Variants in DLG5 observed in about 807,000 individuals in gnomAD.
DLG5 encodes discs large MAGUK scaffold protein 5, also known as disks large homolog 5.
In DLG5, 48 loss-of-function variants were observed where a neutral mutation model predicts 189.8. That is an observed-to-expected ratio of 0.25 (90% CI 0.20 to 0.32). The LOEUF (loss-of-function observed/expected upper bound fraction) is 0.32. Ranked by LOEUF, DLG5 falls within the 10% of genes least tolerant of loss-of-function variation. The pLI, the probability that DLG5 is intolerant of heterozygous loss-of-function variation, is 1.00. For missense variants in DLG5, 2,160 were observed against 2,544.7 expected (o/e 0.85, Z 3.25); for synonymous variants, 1,016 against 1,054.1 (o/e 0.96, Z 0.70).
At position 77,794,100 on chromosome 10, in the gene DLG5, A is replaced by G. The variant is rs1840780956; in HGVS notation, c.5564T>C (p.Ile1855Thr). The G allele has an allele frequency of 1.2e-6, 2 of 1,614,122 alleles. No homozygotes were observed. The highest frequency in any genetic ancestry group is 1.7e-5 in the Admixed American group (1 of 60,022). ...AKHIKEQRDP[I>T]YLRDKVTQRH... is the part of the protein sequence containing the mutation. Reference sequence around the variant, plus strand: ...CTGAGTCACCTTGTCCCTCAGGTAGATGGGGTCTCTCTGCTCCCTGTGGGG... The same window carrying G: ...CTGAGTCACCTTGTCCCTCAGGTAGGTGGGGTCTCTCTGCTCCCTGTGGGG... The change falls in exon 31 of 32, where the codon ATC becomes ACC. Residue 1855 changes from isoleucine (I) to threonine (T), a missense_variant. By Grantham distance (89) the Ile-to-Thr change is moderately conservative. Transcript: ENST00000372391.
the DLG5 span, among the ~76,000 whole-genome samples, chr10:77,937,181 A>G: frequency 6.6e-6 from 1 of 151,890 alleles, no homozygotes; most frequent in Non-Finnish European, 1.5e-5. Flanking sequence ...TGCTTGGCCC[A>G]ATGCTCCAGC....
In DLG5 at chr10:77,805,707, C is replaced by A. The variant is rs373426065; in HGVS notation, c.5122G>T (p.Ala1708Ser). 2 of 1,613,738 alleles carry A rather than the reference C, an allele frequency of 1.2e-6. No homozygotes were observed. Among genetic ancestry groups the A allele is most frequent in the Non-Finnish European group, 1.7e-6 (2 of 1,179,724 alleles). Residue 1708 changes from alanine (A) to serine (S), a missense_variant, in exon 27 of 32, where the codon GCC becomes TCC. Ala to Ser is a moderately conservative substitution (Grantham distance 99, BLOSUM62 1). Transcript: ENST00000372391. ...GAGTCACTGGAAAAGGCATCCAAGG[C>A]GAGCAGGTCTTTCCCGTCCTTGGAC... Reference protein sequence around the residue: ...SGSKDGKDLLALDAFSSDSIP... With the variant: ...SGSKDGKDLLSLDAFSSDSIP...
chr10:77,862,654 C>T (rs1844516238), intron 2 of DLG5, among the ~76,000 whole-genome samples: 1 of 152,220 alleles, frequency 6.6e-6, no homozygotes, highest in African/African-American at 2.4e-5. Flanking sequence ...AAAACCAGCA[C>T]ACAGCTGTTT....
At chr10:77,807,306 G>C (rs1456162419) in intron 25 of DLG5, among the ~76,000 whole-genome samples, 1 of 152,144 alleles carries the variant, frequency 6.6e-6, no homozygotes, top group Non-Finnish European at 1.5e-5. Flanking sequence ...CTAGAGACAG[G>C]GAGTTGTACC....
At chr10:77,800,997 G>A (rs1162198986) in intron 27 of DLG5, among the ~76,000 whole-genome samples, 3 of 152,186 alleles carry the variant, frequency 2.0e-5, no homozygotes, top group South Asian at 4.1e-4. Context: ...TGCGAGCAGC[G>A]GCTATCTCCA....
chr10:77,922,977 A>G lies in DLG5; in HGVS notation c.304+3240T>C, dbSNP rs1203174244. Among the ~76,000 whole-genome samples, 10 of 152,182 alleles carry G rather than the reference A, an allele frequency of 6.6e-5. No homozygotes were observed. The East Asian group carries it at 1.9e-3, about 29-fold the overall frequency. On this transcript the variant is annotated intron_variant, in intron 1 of 31. Coordinates refer to ENST00000372391, the MANE Select transcript of DLG5 (RefSeq NM_004747.4). ...CACATGTCCTCCCCAGTTTCCTTCC[A>G]GTTCCAGGCCCCACGTGGTAGGCTG...
At chr10:77,805,931 G>A (rs1841448704) in intron 26 of DLG5, 70 bp from the exon 27 acceptor site, 12 of 1,471,686 alleles carry the variant, frequency 8.2e-6, no homozygotes, top group Non-Finnish European at 1.1e-5. Context: ...TGCCCTTCCT[G>A]GTGAGAAAAG....
At chr10:77,832,480 C>G (rs983675039) in intron 9 of DLG5, among the ~76,000 whole-genome samples, 1 of 152,202 alleles carries the variant, frequency 6.6e-6, no homozygotes, top group African/African-American at 2.4e-5. Context: ...TGCCACTCAG[C>G]CTCCAGGGCA....
At chr10:77,820,418 G>A (rs1178147085) in intron 15 of DLG5, 1 of 167,680 alleles carries the variant, frequency 6.0e-6, no homozygotes, top group Non-Finnish European at 1.3e-5. Context: ...TGCCCCCCAG[G>A]AACCAGCTCC....
chr10:77,798,643 T>C lies in DLG5; in HGVS notation c.5165-2049A>G, dbSNP rs140510788. On this transcript the variant is annotated intron_variant, in intron 27 of 31. Transcript: ENST00000372391. The stretch of plus-strand genomic sequence containing the variant: ...ATAACTCGCTCCTTGTCCGGGGCTG[T>C]GTTTCTGGGAGGCATCCCTGGTGAT... 7.5e-4 allele frequency among the ~76,000 whole-genome samples: 115 copies of C among 152,364 alleles called. 2 individuals carry two copies. The East Asian group carries it at 0.02, about 27-fold the overall frequency.
intron 1 of DLG5, among the ~76,000 whole-genome samples, chr10:77,903,630 C>CA (rs574454210): frequency 0.042 from 2,438 of 58,338 alleles, 74 homozygotes; most frequent in African/African-American, 0.079. Flanking sequence ...AACTCCATCT[C>CA]AAAAAAAAAA....
rs541889670 is a variant in DLG5, at chr10:77,871,399, T to C, written c.305-2202A>G. Reference sequence around the variant, plus strand: ...TGAAACCAGAAAACCCAGTTCAGCCTTAAAATTCTATGATCCTGCTAATAA... The same window carrying C: ...TGAAACCAGAAAACCCAGTTCAGCCCTAAAATTCTATGATCCTGCTAATAA... On this transcript the variant is annotated intron_variant, in intron 1 of 31. Transcript: ENST00000372391. Among the ~76,000 whole-genome samples, 5 of 152,242 alleles carry C rather than the reference T, an allele frequency of 3.3e-5. No individual in the cohort carries two copies. The East Asian group carries it at 9.6e-4, about 29-fold the overall frequency.
intron 27 of DLG5, among the ~76,000 whole-genome samples, chr10:77,797,707 A>C (rs1840993702): frequency 6.6e-6 from 1 of 152,198 alleles, no homozygotes; most frequent in Non-Finnish European, 1.5e-5. Context: ...AGGGATCTGT[A>C]CGCATATGCA....
At chr10:77,858,424 C>T (rs1214820764) in intron 2 of DLG5, among the ~76,000 whole-genome samples, 1 of 152,118 alleles carries the variant, frequency 6.6e-6, no homozygotes, top group Non-Finnish European at 1.5e-5. Flanking sequence ...CCCTTGAGCT[C>T]AGGAGTTTGA....
intron 1 of DLG5, among the ~76,000 whole-genome samples, chr10:77,894,543 CTTTT>C (rs35379334): frequency 1.0e-5 from 1 of 95,918 alleles, no homozygotes; most frequent in Non-Finnish European, 1.9e-5. Flanking sequence ...AAGAATAAAG[CTTTT>C]TTTTTTTTTT....
chr10:77,837,938 G>A (rs1323420601), intron 7 of DLG5, among the ~76,000 whole-genome samples: 1 of 152,236 alleles, frequency 6.6e-6, no homozygotes, highest in East Asian at 1.9e-4. Flanking sequence ...GCCCCAGAGG[G>A]CCAGAGCCCA....
intron 1 of DLG5, among the ~76,000 whole-genome samples, chr10:77,879,452 T>C (rs1355471715): frequency 6.6e-6 from 1 of 151,894 alleles, no homozygotes; most frequent in Non-Finnish European, 1.5e-5. Flanking sequence ...AAAGCCATGA[T>C]CTGACTTACA....
chr10:77,814,978 A>G (rs1841980092), intron 20 of DLG5, among the ~76,000 whole-genome samples: 1 of 152,146 alleles, frequency 6.6e-6, no homozygotes, highest in Non-Finnish European at 1.5e-5. Flanking sequence ...CAGGTCACAC[A>G]TGTCAAATTT....
chr10:77,888,497 G>A (rs148971263), intron 1 of DLG5, among the ~76,000 whole-genome samples: 61 of 152,292 alleles, frequency 4.0e-4, no homozygotes, highest in Non-Finnish European at 7.5e-4. Context: ...GGTAAGAAGG[G>A]GTTAAATGTG....
Sources: gnomAD v4.1 joint callset for allele counts (sites outside exome capture counted in the v4.1 genomes callset) on GRCh38, gnomAD v4.1.1 for gene constraint, MANE v1.5 for transcripts, NCBI Gene and HGNC (gene_info 2026-07-23, HGNC 2026-07-21) for gene names.